The following ZNF362 variants were observed in gnomAD, a reference collection of about 807,000 sequenced individuals.
The protein encoded by ZNF362 is zinc finger protein 362.
A neutral mutation model predicts 42.9 loss-of-function variants in ZNF362; 11 were observed. The ratio of observed to expected loss-of-function variants is 0.26; its 90% confidence interval spans 0.16 to 0.42. ZNF362 has a LOEUF of 0.42. ZNF362 is among the 20% of genes least tolerant of loss of function. The pLI, the probability that ZNF362 is intolerant of heterozygous loss-of-function variation, is 1.00. For missense variants in ZNF362, 362 were observed against 576.2 expected (o/e 0.63, Z 3.81); for synonymous variants, 255 against 257.3 (o/e 0.99, Z 0.09).
At position 33,299,109 on chromosome 1, in the gene ZNF362, C is replaced by A. The variant is rs1570417187; in HGVS notation, c.*63C>A. On this transcript the variant is annotated 3_prime_UTR_variant, in exon 9 of 9. Transcript: ENST00000539719. ...GACACAGACCCAGGCAGCACCAGGC[C>A]CCAGCTCCCTCCGGGGGCCCTCCAG... The A allele has an allele frequency of 3.0e-6, 4 of 1,328,968 alleles. No individual in the cohort carries two copies. The East Asian group carries it at 9.3e-5, about 31-fold the overall frequency. 82.3% of individuals were successfully genotyped at this position (1,328,968 alleles called of 1,614,324 possible).
At chr1:33,153,521 A>T in the ZNF362 span, among the ~76,000 whole-genome samples, 3 of 152,214 alleles carry the variant, frequency 2.0e-5, no homozygotes, top group African/African-American at 7.2e-5. Context: ...CAGGGATGCC[A>T]CTAAACATCC....
chr1:33,235,298 G>A, the ZNF362 span, among the ~76,000 whole-genome samples: 1 of 151,026 alleles, frequency 6.6e-6, no homozygotes, highest in East Asian at 2.0e-4. Flanking sequence ...GTCCCACCCC[G>A]CCCCCCAGGC....
chr1:33,198,628 C>G, the ZNF362 span, among the ~76,000 whole-genome samples: 4 of 152,062 alleles, frequency 2.6e-5, no homozygotes, highest in Non-Finnish European at 2.9e-5. Flanking sequence ...GATCATGCCA[C>G]TATACTCCAG....
intron 1 of ZNF362, among the ~76,000 whole-genome samples, chr1:33,263,212 A>G (rs1487422328): frequency 6.6e-6 from 1 of 152,054 alleles, no homozygotes; most frequent in Non-Finnish European, 1.5e-5. Flanking sequence ...CTGCACCTAC[A>G]CCTGGCCTGG....
At chr1:33,292,208 C>T (rs1646083494) in intron 6 of ZNF362, among the ~76,000 whole-genome samples, 1 of 152,166 alleles carries the variant, frequency 6.6e-6, no homozygotes, top group South Asian at 2.1e-4. Flanking sequence ...GTGGGTTTGT[C>T]ATAAATAGTT....
At chr1:33,140,112 A>T in the ZNF362 span, among the ~76,000 whole-genome samples, 2 of 151,814 alleles carry the variant, frequency 1.3e-5, no homozygotes, top group African/African-American at 4.8e-5. The surrounding 1 kb of genome is among the most constrained non-coding windows in gnomAD (Gnocchi z 4.0). Context: ...AAGAGGAAAG[A>T]GGGGAGAGAG....
chr1:33,294,546 G>A lies in ZNF362; in HGVS notation c.909-391G>A, dbSNP rs1646103335. On this transcript the variant is annotated intron_variant, in intron 6 of 8. Coordinates refer to ENST00000539719, the MANE Select transcript of ZNF362 (RefSeq NM_152493.3). The surrounding 1 kb of genome is among the most constrained non-coding windows in gnomAD (Gnocchi z 4.2). ...CCTTCTTCTTAGGGAAGGAGGCTGG[G>A]TGGGCAGGGAAGGTCCCGACAAAGC... Among the ~76,000 whole-genome samples, 1 of 152,214 alleles carries A rather than the reference G, an allele frequency of 6.6e-6. No homozygotes were observed. The highest frequency in any genetic ancestry group is 1.5e-5 in the Non-Finnish European group (1 of 68,030).
the ZNF362 span, chr1:33,200,052 C>A: frequency 6.6e-6 from 1 of 152,468 alleles, no homozygotes; most frequent in Admixed American, 6.6e-5. Context: ...CAAAACAAAA[C>A]AAAAAAACCA....
Position 33,280,326 on chromosome 1 carries a change from G to A in ZNF362, c.552G>A (p.Leu184=). ...TCAAGACAATCCAGGGCCACGGCCT[G>A]CTTGGCCCCCCCAAGTCCGAACGCG... ...DSIKTIQGHG[L]LGPPKSERGR... The change falls in exon 5 of 9, where the codon CTG becomes CTA. Residue 184 remains leucine (L), a synonymous_variant. Transcript: ENST00000539719. This position sits in a 1 kb window ranked among gnomAD's most constrained non-coding sequence, Gnocchi z 5.6. 6.2e-7 allele frequency: 1 copy of A among 1,614,052 alleles called. No individual in the cohort carries two copies. Among genetic ancestry groups the A allele is most frequent in the Non-Finnish European group, 8.5e-7 (1 of 1,179,940 alleles).
At chr1:33,181,005 A>T in the ZNF362 span, 1 of 809,306 alleles carries the variant, frequency 1.2e-6, no homozygotes, top group Non-Finnish European at 1.5e-6. This position sits in a 1 kb window ranked among gnomAD's most constrained non-coding sequence, Gnocchi z 6.5. Flanking sequence ...CCCCTTCCCC[A>T]GGCAGGCCGG....
the ZNF362 span, among the ~76,000 whole-genome samples, chr1:33,191,235 T>G: frequency 6.6e-6 from 1 of 152,208 alleles, no homozygotes; most frequent in African/African-American, 2.4e-5. Flanking sequence ...TTTAAATTAG[T>G]GGTGTAGTTT....
the ZNF362 span, among the ~76,000 whole-genome samples, chr1:33,178,160 C>T: frequency 2.0e-4 from 30 of 152,328 alleles, no homozygotes; most frequent in South Asian, 4.1e-4. Context: ...CCTCCCTCTC[C>T]CTCTCCTGTT....
At chr1:33,279,394 A>G (rs772976662) in intron 4 of ZNF362, among the ~76,000 whole-genome samples, 4 of 152,170 alleles carry the variant, frequency 2.6e-5, no homozygotes, top group East Asian at 1.9e-4. Flanking sequence ...AGGCTTTGCA[A>G]ATGTACACTC....
upstream of ZNF362, among the ~76,000 whole-genome samples, chr1:33,252,085 G>A: frequency 6.6e-6 from 1 of 152,210 alleles, no homozygotes; most frequent in East Asian, 1.9e-4. Flanking sequence ...GGGCGTGGTG[G>A]CTCACGCCTG....
At chr1:33,133,402 C>T in the ZNF362 span, among the ~76,000 whole-genome samples, 1 of 152,180 alleles carries the variant, frequency 6.6e-6, no homozygotes. Flanking sequence ...CACAATAAGA[C>T]CAAGAGTAAA....
At chr1:33,270,779 T>G (rs1281236691) in intron 2 of ZNF362, among the ~76,000 whole-genome samples, 167 bp downstream of exon 2, 2 of 152,180 alleles carry the variant, frequency 1.3e-5, no homozygotes, top group Middle Eastern at 3.2e-3. Context: ...TCCTGTGTCG[T>G]GGTGGCTGTG....
At chr1:33,279,126 G>A (rs1215948616) in intron 4 of ZNF362, among the ~76,000 whole-genome samples, 1 of 152,098 alleles carries the variant, frequency 6.6e-6, no homozygotes, top group East Asian at 1.9e-4. Context: ...TGGGGCTCAA[G>A]TGATCCTCCC....
At chr1:33,176,329 G>A in the ZNF362 span, 10 of 621,950 alleles carry the variant, frequency 1.6e-5, no homozygotes, top group Admixed American at 2.2e-5. Flanking sequence ...AACCAGAGCC[G>A]AAATTTGAAC....
At chr1:33,153,219 G>T in the ZNF362 span, among the ~76,000 whole-genome samples, 3 of 152,162 alleles carry the variant, frequency 2.0e-5, no homozygotes, top group African/African-American at 7.2e-5. Context: ...AAGGGCTTTG[G>T]TGCTGGCAGA....
Sources: allele counts gnomAD v4.1 joint callset (sites outside exome capture counted in the v4.1 genomes callset), GRCh38; gene constraint gnomAD v4.1.1; non-coding constraint Gnocchi (gnomAD v3.1); transcripts MANE v1.5; gene names NCBI Gene and HGNC (gene_info 2026-07-23, HGNC 2026-07-21).